The following MB21D2 variants were observed in gnomAD, a reference collection of about 807,000 sequenced individuals.
The protein encoded by MB21D2 is Mab-21 domain containing 2.
In MB21D2, 9 loss-of-function variants were observed where a neutral mutation model predicts 33.3. That is an observed-to-expected ratio of 0.27 (90% CI 0.16 to 0.47). The LOEUF (loss-of-function observed/expected upper bound fraction) is 0.47. MB21D2 is among the 20% of genes least tolerant of loss of function. The pLI, the probability that MB21D2 is intolerant of heterozygous loss-of-function variation, is 0.99. For missense variants in MB21D2, 540 were observed against 624.6 expected, an observed-to-expected ratio of 0.86 and a Z score of 1.44; for synonymous variants, 241 against 236.3, an observed-to-expected ratio of 1.02 and a Z score of -0.18.
At chr3:192,896,634 A>C (rs1713979372) in intron 1 of MB21D2, among the ~76,000 whole-genome samples, 1 of 152,202 alleles carries the variant, frequency 6.6e-6, no homozygotes, top group Non-Finnish European at 1.5e-5. Flanking sequence ...CAGAACCACA[A>C]ATTTTGCCTA....
At chr3:192,850,497 C>A (rs1172837883) in intron 1 of MB21D2, among the ~76,000 whole-genome samples, 1 of 152,204 alleles carries the variant, frequency 6.6e-6, no homozygotes, top group African/African-American at 2.4e-5. Flanking sequence ...GTGTGGTGAG[C>A]CGGGCAGCAT....
chr3:192,833,707 G>A (rs1377212044), intron 1 of MB21D2, among the ~76,000 whole-genome samples: 7 of 152,182 alleles, frequency 4.6e-5, no homozygotes, highest in Non-Finnish European at 8.8e-5. Context: ...CTGGGTGCAC[G>A]TAGTGTCTCA....
chr3:192,864,917 C>T (rs1283685616), intron 1 of MB21D2, among the ~76,000 whole-genome samples: 1 of 152,190 alleles, frequency 6.6e-6, no homozygotes, highest in Non-Finnish European at 1.5e-5. Flanking sequence ...CCTCCTCCTA[C>T]ACTGCTTATA....
At chr3:192,849,578 A>G (rs1577182756) in intron 1 of MB21D2, among the ~76,000 whole-genome samples, 1 of 152,154 alleles carries the variant, frequency 6.6e-6, no homozygotes, top group Non-Finnish European at 1.5e-5. Flanking sequence ...GGCCTCCCAG[A>G]GTGCTGGAAT....
intron 1 of MB21D2, among the ~76,000 whole-genome samples, chr3:192,817,403 A>AGAGGGAAG (rs11270069): frequency 2.0e-5 from 3 of 151,928 alleles, no homozygotes; most frequent in South Asian, 2.1e-4. Flanking sequence ...TAGATAGGAG[A>AGAGGGAAG]GAGGGAAGGA....
intron 1 of MB21D2, among the ~76,000 whole-genome samples, chr3:192,894,641 AT>A (rs369473137): frequency 0.041 from 6,228 of 151,288 alleles, 148 homozygotes; most frequent in Middle Eastern, 0.068. Flanking sequence ...ACACAGTGTC[AT>A]TTTTTTTTCT....
chr3:192,905,908 A>G (rs2108653807), intron 1 of MB21D2, among the ~76,000 whole-genome samples: 1 of 152,322 alleles, frequency 6.6e-6, no homozygotes, highest in Middle Eastern at 3.4e-3. Flanking sequence ...AAAGGATTTG[A>G]GTTTGATCCC....
intron 1 of MB21D2, among the ~76,000 whole-genome samples, chr3:192,862,422 T>C (rs1713069077): frequency 6.6e-6 from 1 of 152,202 alleles, no homozygotes; most frequent in Non-Finnish European, 1.5e-5. Context: ...GGTTCAATAA[T>C]AATAATTCTC....
chr3:192,824,004 C>A (rs1359564991), intron 1 of MB21D2, among the ~76,000 whole-genome samples: 1 of 152,018 alleles, frequency 6.6e-6, no homozygotes, highest in Non-Finnish European at 1.5e-5. Context: ...TCAGTGAGTA[C>A]AAAAGACAAT....
intron 1 of MB21D2, among the ~76,000 whole-genome samples, chr3:192,874,459 C>T (rs1713385836): frequency 1.3e-5 from 2 of 152,358 alleles, no homozygotes; most frequent in South Asian, 4.1e-4. Flanking sequence ...AATGCATCCA[C>T]AAACATCAAA....
chr3:192,867,954 G>T (rs987414398), intron 1 of MB21D2, among the ~76,000 whole-genome samples: 1 of 152,124 alleles, frequency 6.6e-6, no homozygotes, highest in Non-Finnish European at 1.5e-5. Flanking sequence ...AAGGAAGATT[G>T]GAATGAGGGA....
At chr3:192,845,701 T>C (rs1313249126) in intron 1 of MB21D2, among the ~76,000 whole-genome samples, 2 of 152,214 alleles carry the variant, frequency 1.3e-5, no homozygotes, top group East Asian at 3.9e-4. Flanking sequence ...ATCTACTTCA[T>C]TTCCCTCCAC....
Position 192,831,377 on chromosome 3 carries a change from C to CTAGA in MB21D2, c.212-31731_212-31728dup, listed in dbSNP as rs1299888368. Among the ~76,000 whole-genome samples the CTAGA allele has an allele frequency of 2.6e-5, 4 of 152,328 alleles. No homozygotes were observed. In the East Asian group the frequency reaches 7.7e-4, roughly 29 times the overall value. On this transcript the variant is annotated intron_variant, in intron 1 of 1. Transcript: ENST00000392452. ...CCAGAACTACTCAACTACACCACTC[C>CTAGA]TAGATGCCTGACTCCAAGAAACTGT...
intron 1 of MB21D2, among the ~76,000 whole-genome samples, chr3:192,897,362 T>C (rs1014303459): frequency 6.6e-6 from 1 of 152,168 alleles, no homozygotes; most frequent in Non-Finnish European, 1.5e-5. Context: ...CAAGCCTCTG[T>C]GGAGACTGAC....
At chr3:192,857,410 G>C (rs1002507450) in intron 1 of MB21D2, among the ~76,000 whole-genome samples, 6 of 152,216 alleles carry the variant, frequency 3.9e-5, no homozygotes, top group Non-Finnish European at 5.9e-5. Context: ...AAGTCAGCCA[G>C]AATTCATTAG....
rs552950729 is a variant in MB21D2, at chr3:192,821,090, G to A, written c.212-21440C>T. 2.2e-4 allele frequency among the ~76,000 whole-genome samples: 34 copies of A among 152,144 alleles called. No individual in the cohort carries two copies. In the South Asian group the frequency reaches 6.7e-3, roughly 30 times the overall value. On this transcript the variant is annotated intron_variant, in intron 1 of 1. Coordinates refer to ENST00000392452, the MANE Select transcript of MB21D2 (RefSeq NM_178496.4). Reference sequence around the variant, plus strand: ...CCCTTCAAATAACAATGAACACATCGTTTATTTGACTAATGCTGCTGCCTT... The same window carrying A: ...CCCTTCAAATAACAATGAACACATCATTTATTTGACTAATGCTGCTGCCTT...
intron 1 of MB21D2, among the ~76,000 whole-genome samples, chr3:192,803,106 A>G (rs946448326): frequency 3.3e-5 from 5 of 152,182 alleles, no homozygotes; most frequent in African/African-American, 9.7e-5. Flanking sequence ...GATTGTTACA[A>G]TCTTGTTTGG....
chr3:192,827,939 G>A (rs1712212547), intron 1 of MB21D2, among the ~76,000 whole-genome samples: 1 of 152,038 alleles, frequency 6.6e-6, no homozygotes, highest in Non-Finnish European at 1.5e-5. Context: ...ATTGAATCAT[G>A]GGATTGGTTT....
intron 1 of MB21D2, among the ~76,000 whole-genome samples, chr3:192,840,367 C>T (rs1712539043): frequency 6.6e-6 from 1 of 151,596 alleles, no homozygotes; most frequent in Non-Finnish European, 1.5e-5. Context: ...AATTCAACCA[C>T]CGTAACTTTG....
Sources: allele counts gnomAD v4.1 joint callset (sites outside exome capture counted in the v4.1 genomes callset), GRCh38; gene constraint gnomAD v4.1.1; transcripts MANE v1.5; gene names NCBI Gene and HGNC (gene_info 2026-07-23, HGNC 2026-07-21).